KIAA0586: variants seen among roughly 807,000 people sequenced by gnomAD.
KIAA0586 encodes the protein KIAA0586.
KIAA0586 carries 144 observed loss-of-function variants against 169.8 expected under a neutral mutation model. The observed-to-expected ratio is 0.85, with a 90% CI of 0.74 to 0.97. The LOEUF (loss-of-function observed/expected upper bound fraction) is 0.97, where lower values mean the gene tolerates loss of function less well. KIAA0586 is among the 50% of genes least tolerant of loss of function. The pLI is 0.00. For missense variants in KIAA0586, 1,854 were observed against 1,823.0 expected, an observed-to-expected ratio of 1.02 and a Z score of -0.31; for synonymous variants, 625 against 612.4, an observed-to-expected ratio of 1.02 and a Z score of -0.30.
At chr14:58,484,878 TTATATATATATTTATATA>T (rs1168432987) in intron 21 of KIAA0586, among the ~76,000 whole-genome samples, 2 of 51,002 alleles carry the variant, frequency 3.9e-5, no homozygotes, top group African/African-American at 1.6e-4. Flanking sequence ...TTTATATATA[TTATATATATATTTATATA>T]TATATATATA....
intron 29 of KIAA0586, among the ~76,000 whole-genome samples, chr14:58,513,769 C>T (rs1032929644): frequency 3.9e-5 from 6 of 151,946 alleles, no homozygotes; most frequent in African/African-American, 1.2e-4. Flanking sequence ...AACTGTCCTT[C>T]GCAGTCAATG....
intron 19 of KIAA0586, among the ~76,000 whole-genome samples, chr14:58,476,381 A>G (rs948923783): frequency 6.6e-6 from 1 of 152,254 alleles, no homozygotes; most frequent in South Asian, 2.1e-4. Context: ...ACATTTTAAG[A>G]GGAAAACTAC....
rs966440903 is a variant in KIAA0586, at chr14:58,512,585, C to T, written c.4387C>T (p.Arg1463Cys). The change falls in exon 29 of 31, where the codon CGT becomes TGT. Residue 1463 changes from arginine to cysteine, a missense_variant. Coordinates refer to ENST00000652326, the MANE Select transcript of KIAA0586 (RefSeq NM_001329943.3). ...ACACAAACCATCACAAAGTTACCTA[C>T]GTGTTAGAAATAAATCTGATATTGC... Reference protein sequence around the residue: ...VEHKPSQSYLRVRNKSDIAPS... With the variant: ...VEHKPSQSYLCVRNKSDIAPS... 3.9e-6 allele frequency: 6 copies of T among 1,540,452 alleles called. No individual in the cohort carries two copies. Among genetic ancestry groups the T allele is most frequent in the East Asian group, 2.5e-5 (1 of 40,436 alleles).
intron 19 of KIAA0586, among the ~76,000 whole-genome samples, chr14:58,475,130 G>A (rs1216812862): frequency 6.6e-6 from 1 of 152,192 alleles, no homozygotes; most frequent in Non-Finnish European, 1.5e-5. Context: ...CCAGGGCCAC[G>A]AACCAGTACC....
intron 29 of KIAA0586, among the ~76,000 whole-genome samples, chr14:58,538,403 C>A (rs969637108): frequency 3.3e-5 from 5 of 151,958 alleles, no homozygotes; most frequent in Non-Finnish European, 7.4e-5. Context: ...TAAAAATCCA[C>A]CCAAAAATTT....
At chr14:58,539,858 C>A in intron 29 of KIAA0586, 1 of 390,742 alleles carries the variant, frequency 2.6e-6, no homozygotes, top group Non-Finnish European at 4.6e-6. Context: ...AGATAATAAT[C>A]CGTTAAAGTA....
intron 4 of KIAA0586, chr14:58,441,137 G>T: frequency 4.7e-6 from 1 of 214,752 alleles, no homozygotes; most frequent in South Asian, 5.8e-5. Flanking sequence ...CAGTAAAGTG[G>T]GATAAAAAAT....
At chr14:58,442,284 A>G (rs1395972697) in intron 4 of KIAA0586, among the ~76,000 whole-genome samples, 1 of 151,668 alleles carries the variant, frequency 6.6e-6, no homozygotes, top group Non-Finnish European at 1.5e-5. Flanking sequence ...TAATTTTTGT[A>G]TTTTTAGTAG....
the KIAA0586 span, among the ~76,000 whole-genome samples, chr14:58,557,827 T>TC: frequency 6.6e-6 from 1 of 151,356 alleles, no homozygotes; most frequent in South Asian, 2.1e-4. Context: ...GAAGACTTTT[T>TC]CTGCCTTTTC....
intron 30 of KIAA0586, 121 bp from the exon 31 acceptor site, chr14:58,547,660 A>T: frequency 1.2e-6 from 1 of 858,706 alleles, no homozygotes; most frequent in Non-Finnish European, 1.9e-6. Context: ...AGTCCCTTGT[A>T]GGCAATCCTT....
intron 25 of KIAA0586, among the ~76,000 whole-genome samples, chr14:58,491,286 A>AT (rs2042820139): frequency 6.6e-6 from 1 of 152,144 alleles, no homozygotes; most frequent in Admixed American, 6.6e-5. Flanking sequence ...TAATGTTGAT[A>AT]TTTTTACTAT....
chr14:58,503,949 A>G (rs2043758638), intron 27 of KIAA0586, among the ~76,000 whole-genome samples: 1 of 152,168 alleles, frequency 6.6e-6, no homozygotes, highest in South Asian at 2.1e-4. Flanking sequence ...TAAGGAGTAC[A>G]GTAAGGATCG....
At chr14:58,502,731 A>G (rs1186624310) in intron 27 of KIAA0586, among the ~76,000 whole-genome samples, 1 of 152,198 alleles carries the variant, frequency 6.6e-6, no homozygotes, top group Non-Finnish European at 1.5e-5. Context: ...TCTTATATGT[A>G]CTTAATAGAA....
At position 58,487,030 on chromosome 14, in the gene KIAA0586, T is replaced by C. The variant is rs1566880956; in HGVS notation, c.3168T>C (p.Pro1056=). 8.1e-6 allele frequency: 13 copies of C among 1,611,988 alleles called. No homozygotes were observed. Among genetic ancestry groups the C allele is most frequent in the Non-Finnish European group, 1.1e-5 (13 of 1,178,842 alleles). The change falls in exon 22 of 31, where the codon CCT becomes CCC. Residue 1056 remains proline (P), a synonymous_variant. Transcript: ENST00000652326. ...YLPARVCTPL[P]TPQPTPPCSP... Reference sequence around the variant, plus strand: ...AGGCAAGAGTGTGCACCCCACTGCCTACCCCACAGCCTACGCCTCCTTGCT... The same window carrying C: ...AGGCAAGAGTGTGCACCCCACTGCCCACCCCACAGCCTACGCCTCCTTGCT...
chr14:58,428,665 G>C (rs1471925403), intron 1 of KIAA0586, among the ~76,000 whole-genome samples: 2 of 120,306 alleles, frequency 1.7e-5, no homozygotes, highest in African/African-American at 6.7e-5. Context: ...CCCCTGTTGT[G>C]CTTTTTTTTT....
At position 58,549,691 on chromosome 14, in the gene KIAA0586, T is replaced by C. The variant is rs1035771840; in HGVS notation, c.*1759T>C. On this transcript the variant is annotated 3_prime_UTR_variant, in exon 31 of 31. Coordinates refer to ENST00000652326, the MANE Select transcript of KIAA0586 (RefSeq NM_001329943.3). Reference sequence around the variant, plus strand: ...TGTGGATTTTAATTTGTTTTTGATATTCATCTACAAGACTCTGGGCAAGGT... The same window carrying C: ...TGTGGATTTTAATTTGTTTTTGATACTCATCTACAAGACTCTGGGCAAGGT... 1.3e-5 allele frequency: 2 copies of C among 152,220 alleles called. No individual in the cohort carries two copies. The highest frequency in any genetic ancestry group is 1.3e-4 in the Admixed American group (2 of 15,284). 9.4% of individuals were successfully genotyped at this position (152,220 alleles called of 1,614,324 possible).
Position 58,427,984 on chromosome 14 carries a change from T to C in KIAA0586, c.-281T>C, listed in dbSNP as rs2036980045. 7.0e-7 allele frequency: 1 copy of C among 1,421,602 alleles called. No individual in the cohort carries two copies. The highest frequency in any genetic ancestry group is 9.1e-7 in the Non-Finnish European group (1 of 1,094,140). 88.1% of individuals were successfully genotyped at this position (1,421,602 alleles called of 1,614,324 possible). ...CCAGCTCTGGGGTTGGGGAGTGCAC[T>C]GTTATGGTTATTGTTGCTCCTGTGG... On this transcript the variant is annotated 5_prime_UTR_variant, in exon 1 of 31. Transcript: ENST00000652326.
chr14:58,486,586 T>C (rs1290348370), intron 21 of KIAA0586, among the ~76,000 whole-genome samples: 1 of 152,180 alleles, frequency 6.6e-6, no homozygotes, highest in Non-Finnish European at 1.5e-5. Context: ...AGAATGGCTA[T>C]TATTAAAAAG....
chr14:58,460,693 G>A (rs1200756285), intron 13 of KIAA0586, among the ~76,000 whole-genome samples: 1 of 151,980 alleles, frequency 6.6e-6, no homozygotes, highest in African/African-American at 2.4e-5. Context: ...TTATTGTACT[G>A]GAGTATAATA....
Sources: allele counts gnomAD v4.1 joint callset (sites outside exome capture counted in the v4.1 genomes callset), GRCh38; gene constraint gnomAD v4.1.1; transcripts MANE v1.5; gene names NCBI Gene and HGNC (gene_info 2026-07-23, HGNC 2026-07-21).